PRKCB: variants seen among roughly 807,000 people sequenced by gnomAD.
The protein encoded by PRKCB is protein kinase C beta.
In PRKCB, 13 loss-of-function variants were observed where a neutral mutation model predicts 81.5. The observed-to-expected ratio is 0.16, with a 90% CI of 0.10 to 0.25. The LOEUF (loss-of-function observed/expected upper bound fraction) is 0.25. Among genes scored for constraint, PRKCB ranks in the 10% least tolerant of loss-of-function variants. PRKCB has a pLI of 1.00. For synonymous variants in PRKCB, 335 were observed against 321.4 expected, an observed-to-expected ratio of 1.04 and a Z score of -0.45; for missense variants, 509 against 875.7, an observed-to-expected ratio of 0.58 and a Z score of 5.29.
At chr16:24,032,685 G>A (rs1965564823) in intron 4 of PRKCB, among the ~76,000 whole-genome samples, 1 of 152,142 alleles carries the variant, frequency 6.6e-6, no homozygotes, top group South Asian at 2.1e-4. Context: ...TAGCCTCCGT[G>A]CATGCACGGA....
chr16:23,916,096 C>T (rs749286094), intron 2 of PRKCB, among the ~76,000 whole-genome samples: 4 of 151,950 alleles, frequency 2.6e-5, no homozygotes, highest in Non-Finnish European at 5.9e-5. Flanking sequence ...CTCAGTTGCC[C>T]AGGCTGGAGT....
intron 2 of PRKCB, among the ~76,000 whole-genome samples, chr16:23,933,739 A>G (rs1234699390): frequency 7.1e-6 from 1 of 140,276 alleles, no homozygotes; most frequent in East Asian, 2.2e-4. Flanking sequence ...CCATCCATCC[A>G]TTCGTCCATC....
intron 2 of PRKCB, among the ~76,000 whole-genome samples, chr16:23,849,729 C>T (rs1415641524): frequency 2.0e-5 from 3 of 152,066 alleles, no homozygotes; most frequent in Non-Finnish European, 4.4e-5. Flanking sequence ...ATTGACAAAT[C>T]ATAATTGATG....
At chr16:24,056,066 C>A (rs901390451) in intron 5 of PRKCB, among the ~76,000 whole-genome samples, 3 of 152,216 alleles carry the variant, frequency 2.0e-5, no homozygotes, top group African/African-American at 7.2e-5. Flanking sequence ...AGCCCCTTAA[C>A]CACTTTGCCG....
In PRKCB at chr16:24,103,629, G is replaced by A. The variant is rs558907447; in HGVS notation, c.821+9332G>A. 3.3e-5 allele frequency among the ~76,000 whole-genome samples: 5 copies of A among 152,232 alleles called. No individual in the cohort carries two copies. The South Asian group carries it at 1.0e-3, about 32-fold the overall frequency. On this transcript the variant is annotated intron_variant, in intron 7 of 16. Transcript: ENST00000643927. Reference sequence around the variant, plus strand: ...ACCTGGGTATATTGCATGATGCTGAGGTTTGGGGTATGAATGATTCCGTCA... The same window carrying A: ...ACCTGGGTATATTGCATGATGCTGAAGTTTGGGGTATGAATGATTCCGTCA...
chr16:24,185,044 G>A, intron 13 of PRKCB, 67 bp from the exon 14 acceptor site: 1 of 1,325,980 alleles, frequency 7.5e-7, no homozygotes. Context: ...TAAAAGAAGA[G>A]TGAAATCTGT....
chr16:24,017,892 ATTTTTTTT>A (rs35809970), intron 3 of PRKCB, among the ~76,000 whole-genome samples: 1 of 113,264 alleles, frequency 8.8e-6, no homozygotes, highest in African/African-American at 3.5e-5. Context: ...ACCATAACTA[ATTTTTTTT>A]TTTTTTTTTT....
intron 2 of PRKCB, among the ~76,000 whole-genome samples, chr16:23,973,720 G>T (rs1213358835): frequency 1.3e-5 from 2 of 152,022 alleles, no homozygotes; most frequent in Non-Finnish European, 2.9e-5. Context: ...TCACTCTGTT[G>T]CCCAGGCTGG....
At chr16:24,021,235 C>CTTTCTTTCT (rs1567347182) in intron 3 of PRKCB, among the ~76,000 whole-genome samples, 50 of 15,032 alleles carry the variant, frequency 3.3e-3, no homozygotes, top group African/African-American at 0.014. Context: ...TCTTTCTTTC[C>CTTTCTTTCT]TTCCTTCCTT....
intron 7 of PRKCB, among the ~76,000 whole-genome samples, chr16:24,095,127 G>T (rs1363990299): frequency 6.6e-6 from 1 of 152,142 alleles, no homozygotes; most frequent in African/African-American, 2.4e-5. Flanking sequence ...ACTACATGAT[G>T]AGACTGTAAC....
At chr16:24,016,149 TAG>T (rs1271649206) in intron 3 of PRKCB, among the ~76,000 whole-genome samples, 1 of 152,054 alleles carries the variant, frequency 6.6e-6, no homozygotes, top group East Asian at 1.9e-4. Context: ...TTGTTGTTCC[TAG>T]ACAGTTAAGG....
chr16:24,151,805 T>A (rs1343050324), intron 9 of PRKCB: 1 of 455,900 alleles, frequency 2.2e-6, no homozygotes, highest in Non-Finnish European at 4.4e-6. Context: ...AGTCATTAGC[T>A]GAAGCAAGTT....
chr16:24,146,549 A>C (rs1036940364), intron 9 of PRKCB, among the ~76,000 whole-genome samples: 4 of 152,164 alleles, frequency 2.6e-5, no homozygotes, highest in Non-Finnish European at 4.4e-5. Flanking sequence ...CTAACTCTAA[A>C]AGTCCATGCC....
At chr16:24,023,800 C>G (rs189492966) in intron 3 of PRKCB, among the ~76,000 whole-genome samples, 1 of 152,280 alleles carries the variant, frequency 6.6e-6, no homozygotes, top group East Asian at 1.9e-4. Flanking sequence ...TCCACTTACC[C>G]ATATCTGCCT....
chr16:24,164,543 G>A (rs1222261025), intron 10 of PRKCB, among the ~76,000 whole-genome samples: 1 of 152,190 alleles, frequency 6.6e-6, no homozygotes, highest in Non-Finnish European at 1.5e-5. Flanking sequence ...TGAAGAGAAA[G>A]ATGGTGAGTT....
intron 2 of PRKCB, among the ~76,000 whole-genome samples, chr16:23,950,041 G>T (rs1213957043): frequency 6.6e-6 from 1 of 151,624 alleles, no homozygotes; most frequent in Non-Finnish European, 1.5e-5. Context: ...CATGCTAACC[G>T]AAGGAGCCTC....
At chr16:23,991,624 G>A (rs1217721220) in intron 3 of PRKCB, among the ~76,000 whole-genome samples, 1 of 152,156 alleles carries the variant, frequency 6.6e-6, no homozygotes, top group Non-Finnish European at 1.5e-5. Context: ...AAATAGAAAA[G>A]GCCTAAGGGT....
At chr16:24,191,069 A>G (rs756966138) in intron 15 of PRKCB, 21 bp from the exon 16 acceptor site, 4 of 1,610,012 alleles carry the variant, frequency 2.5e-6, no homozygotes, top group Admixed American at 3.3e-5. Flanking sequence ...AGCAAATTCA[A>G]TGTTTTTCTT....
At chr16:23,854,346 C>T (rs1159925690) in intron 2 of PRKCB, among the ~76,000 whole-genome samples, 5 of 152,160 alleles carry the variant, frequency 3.3e-5, no homozygotes, top group Admixed American at 1.3e-4. Context: ...CACATAACCT[C>T]AAGGCTTAGT....
Sources: gnomAD v4.1 joint callset for allele counts (sites outside exome capture counted in the v4.1 genomes callset) on GRCh38, gnomAD v4.1.1 for gene constraint, MANE v1.5 for transcripts, NCBI Gene and HGNC (gene_info 2026-07-23, HGNC 2026-07-21) for gene names.